Variants in MYO3B observed in about 807,000 individuals in gnomAD.
The protein encoded by MYO3B is myosin-IIIb.
A neutral mutation model predicts 174.6 loss-of-function variants in MYO3B; 156 were observed. That is an observed-to-expected ratio of 0.89 (90% CI 0.78 to 1.02). The LOEUF (loss-of-function observed/expected upper bound fraction) is 1.02. MYO3B is among the 50% of genes least tolerant of loss of function. The probability of loss-of-function intolerance (pLI) is 0.00; values close to 1 mark genes in which losing one functional copy is unlikely to be tolerated. For synonymous variants in MYO3B, 563 were observed against 569.1 expected, an observed-to-expected ratio of 0.99 and a Z score of 0.15; for missense variants, 1,632 against 1,639.4, an observed-to-expected ratio of 1.00 and a Z score of 0.08.
intron 28 of MYO3B, among the ~76,000 whole-genome samples, chr2:170,514,192 G>A (rs765620537): frequency 4.6e-5 from 7 of 152,212 alleles, no homozygotes; most frequent in Non-Finnish European, 1.0e-4. Flanking sequence ...GATATCTGAG[G>A]TAAAAGATGT....
intron 30 of MYO3B, among the ~76,000 whole-genome samples, chr2:170,528,154 A>T (rs1032062557): frequency 1.3e-5 from 2 of 152,218 alleles, no homozygotes; most frequent in Non-Finnish European, 2.9e-5. Context: ...TATTAACACC[A>T]TGTCATTTTT....
At chr2:170,282,042 C>T (rs1009176645) in intron 7 of MYO3B, among the ~76,000 whole-genome samples, 1 of 152,126 alleles carries the variant, frequency 6.6e-6, no homozygotes, top group African/African-American at 2.4e-5. Context: ...TATTTTCTCC[C>T]ATTCAACATG....
chr2:170,597,471 A>G (rs530549717), intron 32 of MYO3B, among the ~76,000 whole-genome samples: 1 of 152,124 alleles, frequency 6.6e-6, no homozygotes, highest in South Asian at 2.1e-4. Context: ...GAACAACAGC[A>G]GCAAGGCCTG....
At chr2:170,340,875 A>G (rs2093972983) in intron 8 of MYO3B, 1 of 151,842 alleles carries the variant, frequency 6.6e-6, no homozygotes, top group Non-Finnish European at 1.5e-5. Flanking sequence ...CTGAGGGGCC[A>G]TATTTTGGGG....
intron 32 of MYO3B, among the ~76,000 whole-genome samples, chr2:170,592,264 ATAT>A (rs1459276020): frequency 6.6e-6 from 1 of 152,166 alleles, no homozygotes; most frequent in Admixed American, 6.5e-5. Flanking sequence ...AAAAAGCTTT[ATAT>A]TATTGTGAAG....
At chr2:170,442,200 C>G (rs2094805736) in intron 22 of MYO3B, among the ~76,000 whole-genome samples, 1 of 152,058 alleles carries the variant, frequency 6.6e-6, no homozygotes, top group Non-Finnish European at 1.5e-5. Flanking sequence ...AATTTTCCAC[C>G]TGATTTCAAC....
At chr2:170,439,223 T>G (rs972914558) in intron 22 of MYO3B, among the ~76,000 whole-genome samples, 17 of 151,548 alleles carry the variant, frequency 1.1e-4, no homozygotes, top group Non-Finnish European at 2.2e-4. Context: ...ATACAAAAAA[T>G]TAGACGGGCA....
At chr2:170,494,378 G>A (rs779118349) in intron 25 of MYO3B, among the ~76,000 whole-genome samples, 6 of 151,900 alleles carry the variant, frequency 3.9e-5, no homozygotes, top group Non-Finnish European at 7.4e-5. Context: ...TGAAGCCTTG[G>A]GAAATTTATG....
At chr2:170,532,247 T>C (rs1689399145) in intron 30 of MYO3B, among the ~76,000 whole-genome samples, 1 of 152,204 alleles carries the variant, frequency 6.6e-6, no homozygotes, top group Non-Finnish European at 1.5e-5. Context: ...ATGACCGGCC[T>C]GTAGGCTCCA....
chr2:170,466,946 G>C (rs892300231), intron 25 of MYO3B, among the ~76,000 whole-genome samples: 1 of 151,996 alleles, frequency 6.6e-6, no homozygotes, highest in Non-Finnish European at 1.5e-5. Context: ...TTCCATATAC[G>C]TTTATATGTT....
intron 6 of MYO3B, among the ~76,000 whole-genome samples, chr2:170,224,830 T>A (rs2092934649): frequency 6.6e-6 from 1 of 152,242 alleles, no homozygotes; most frequent in African/African-American, 2.4e-5. Flanking sequence ...GGTCTCTCTC[T>A]GCCTGGCAAA....
At chr2:170,564,096 G>T (rs746595201) in intron 32 of MYO3B, among the ~76,000 whole-genome samples, 1 of 152,208 alleles carries the variant, frequency 6.6e-6, no homozygotes, top group African/African-American at 2.4e-5. Context: ...TCATGTGAAT[G>T]ATCAGATTTC....
At chr2:170,582,677 AAAAG>A (rs1490670278) in intron 32 of MYO3B, among the ~76,000 whole-genome samples, 4 of 152,198 alleles carry the variant, frequency 2.6e-5, no homozygotes, top group Non-Finnish European at 5.9e-5. Flanking sequence ...TTTTATTAAA[AAAAG>A]AAAGAAAAAT....
At chr2:170,404,114 T>C in intron 19 of MYO3B, 133 bp from the exon 20 acceptor site, 1 of 894,380 alleles carries the variant, frequency 1.1e-6, no homozygotes, top group South Asian at 2.0e-5. Flanking sequence ...GATTCCTTTA[T>C]TATACACATA....
chr2:170,381,984 T>G (rs2094339001), intron 9 of MYO3B, 32 bp from the exon 10 acceptor site: 1 of 1,577,346 alleles, frequency 6.3e-7, no homozygotes, highest in Non-Finnish European at 8.7e-7. Flanking sequence ...ATTTGCTGTC[T>G]TAATGCTTAA....
intron 7 of MYO3B, among the ~76,000 whole-genome samples, chr2:170,251,106 G>A (rs2093248408): frequency 6.6e-6 from 1 of 152,064 alleles, no homozygotes; most frequent in Non-Finnish European, 1.5e-5. Context: ...CTTCTACCCA[G>A]TATTTCCCTG....
At chr2:170,351,937 G>A (rs1294489079) in intron 8 of MYO3B, among the ~76,000 whole-genome samples, 5 of 152,138 alleles carry the variant, frequency 3.3e-5, no homozygotes, top group African/African-American at 7.2e-5. Flanking sequence ...TGCACAAGTT[G>A]TTTTTCTTTG....
chr2:170,193,364 G>A (rs1395823597), intron 1 of MYO3B, among the ~76,000 whole-genome samples: 3 of 151,182 alleles, frequency 2.0e-5, no homozygotes, highest in Non-Finnish European at 4.4e-5. Flanking sequence ...GATTCTTTTT[G>A]GTTTTGTTAT....
chr2:170,495,019 A>G (rs1686768465), intron 25 of MYO3B, among the ~76,000 whole-genome samples: 1 of 152,206 alleles, frequency 6.6e-6, no homozygotes, highest in South Asian at 2.1e-4. Flanking sequence ...CTCTGAACTC[A>G]GTGCTCAGAC....
Sources: allele counts gnomAD v4.1 joint callset (sites outside exome capture counted in the v4.1 genomes callset), GRCh38; gene constraint gnomAD v4.1.1; transcripts MANE v1.5; gene names NCBI Gene and HGNC (gene_info 2026-07-23, HGNC 2026-07-21).